The following ZNF546 variants were observed in gnomAD, a reference collection of about 807,000 sequenced individuals.
ZNF546 encodes the protein zinc finger protein 546.
A neutral mutation model predicts 76.2 loss-of-function variants in ZNF546; 60 were observed. That is an observed-to-expected ratio of 0.79 (90% CI 0.64 to 0.98). The LOEUF (loss-of-function observed/expected upper bound fraction) is 0.98, where lower values mean the gene tolerates loss of function less well. Ranked by LOEUF, ZNF546 falls within the 50% of genes least tolerant of loss-of-function variation. ZNF546 has a pLI of 0.00. For synonymous variants in ZNF546, 277 were observed against 328.1 expected, an observed-to-expected ratio of 0.84 and a Z score of 1.68; for missense variants, 936 against 1,035.6, an observed-to-expected ratio of 0.90 and a Z score of 1.32.
intron 3 of ZNF546, among the ~76,000 whole-genome samples, chr19:40,000,988 T>G (rs424365): frequency 0.29 from 44,741 of 151,780 alleles, 10,971 homozygotes; most frequent in African/African-American, 0.67. Context: ...GGTCTCATCT[T>G]GGGGTGATGG....
chr19:40,004,345 G>A (rs1010766890), intron 3 of ZNF546, among the ~76,000 whole-genome samples: 1 of 151,810 alleles, frequency 6.6e-6, no homozygotes, highest in Admixed American at 6.6e-5. Flanking sequence ...TCGGCTCACT[G>A]CAACCTCCAC....
intron 3 of ZNF546, 114 bp from the exon 4 acceptor site, chr19:40,005,982 C>T: frequency 1.1e-6 from 1 of 913,682 alleles, no homozygotes. Context: ...TTTATATGCG[C>T]AGAATGGTGG....
At position 40,020,463 on chromosome 19, in the gene ZNF546, G is replaced by T. The variant is rs1971840574; in HGVS notation, c.*4682G>T. The T allele has an allele frequency of 6.6e-6, 1 of 152,260 alleles. No individual in the cohort carries two copies. Among genetic ancestry groups the T allele is most frequent in the African/African-American group, 2.4e-5 (1 of 41,562 alleles). The allele number at this position is 152,260 out of a possible 1,614,324, so 9.4% of individuals were successfully genotyped here. On this transcript the variant is annotated 3_prime_UTR_variant, in exon 7 of 7. Transcript: ENST00000347077. Reference sequence around the variant, plus strand: ...AATATTGTTAATGTATCAGTGGATTGTTCCTCCAAAGTACCAGTGCCTTAA... The same window carrying T: ...AATATTGTTAATGTATCAGTGGATTTTTCCTCCAAAGTACCAGTGCCTTAA...
rs1267584517 is a variant in ZNF546, at chr19:40,006,089, C to T, written c.85-7C>T. 16 of 1,613,326 alleles carry T rather than the reference C, an allele frequency of 9.9e-6. No individual in the cohort carries two copies. Among genetic ancestry groups the T allele is most frequent in the Non-Finnish European group, 1.4e-5 (16 of 1,179,634 alleles). ...CTGGTCTCAGAGTCACTTGTTCTTC[C>T]CCCCAGCCCCGGTTTCTCTGGATTC... is the stretch of plus-strand genomic sequence containing the variant. On this transcript the variant is annotated splice_polypyrimidine_tract_variant and splice_region_variant and intron_variant, in intron 3 of 6. Coordinates refer to ENST00000347077, the MANE Select transcript of ZNF546 (RefSeq NM_178544.5).
At position 40,013,801 on chromosome 19, in the gene ZNF546, G is replaced by A; in HGVS notation, c.531G>A (p.Gln177=). The A allele has an allele frequency of 6.2e-7, 1 of 1,613,906 alleles. No individual in the cohort carries two copies. ...HEDTIFRNGL[Q]CKHEFERQER... Reference sequence around the variant, plus strand: ...ACACCATTTTCAGAAATGGTTTGCAGTGTAAACATGAATTTGAGAGACAAG... The same window carrying A: ...ACACCATTTTCAGAAATGGTTTGCAATGTAAACATGAATTTGAGAGACAAG... Residue 177 remains glutamine, a synonymous_variant, in exon 7 of 7, where the codon CAG becomes CAA. Transcript: ENST00000347077.
chr19:40,015,710 T>C lies in ZNF546; in HGVS notation c.2440T>C (p.Phe814Leu). 1 of 1,614,134 alleles carries C rather than the reference T, an allele frequency of 6.2e-7. No individual in the cohort carries two copies. Among genetic ancestry groups the C allele is most frequent in the Non-Finnish European group, 8.5e-7 (1 of 1,179,980 alleles). The change falls in exon 7 of 7, where the codon TTT becomes CTT. Residue 814 changes from phenylalanine to leucine, a missense_variant. Coordinates refer to ENST00000347077, the MANE Select transcript of ZNF546 (RefSeq NM_178544.5). ...TCAATGTAAAGAATGTGGAAAAGCC[T>C]TTATTCGTAGTGATCAACTTACTTT... is the stretch of plus-strand genomic sequence containing the variant. ...PYQCKECGKA[F>L]IRSDQLTLHQ... is the part of the protein sequence containing the mutation.
chr19:39,998,372 A>G lies in ZNF546; in HGVS notation c.46A>G (p.Ile16Val), dbSNP rs761454893. The G allele has an allele frequency of 5.0e-6, 8 of 1,614,082 alleles. No homozygotes were observed. In the South Asian group the frequency reaches 7.7e-5, roughly 16 times the overall value. The change falls in exon 3 of 7, where the codon ATT becomes GTT. Residue 16 changes from isoleucine to valine, a missense_variant. Transcript: ENST00000347077. ...TCACGGGCCTCCAAATGACTTTCTCATTTTTCAAATCATTCCTCTGCACTC... is the reference window on the plus strand; with the variant it reads ...TCACGGGCCTCCAAATGACTTTCTCGTTTTTCAAATCATTCCTCTGCACTC... ...PLHGPPNDFL[I>V]FQIIPLHSLS...
At chr19:40,013,222 C>T (rs538916539) in intron 6 of ZNF546, among the ~76,000 whole-genome samples, 1 of 152,264 alleles carries the variant, frequency 6.6e-6, no homozygotes, top group South Asian at 2.1e-4. Context: ...AAACTATAGC[C>T]CATGAGCCAA....
Position 40,015,462 on chromosome 19 carries a change from G to A in ZNF546, c.2192G>A (p.Ser731Asn). Residue 731 changes from serine to asparagine, a missense_variant, in exon 7 of 7, where the codon AGT (serine) becomes AAT (asparagine). Transcript: ENST00000347077. ...YECKECGKTF[S>N]RRYHLTQHFR... ...TGTAAGGAATGTGGAAAGACCTTTA[G>A]TCGTCGGTATCATCTTACTCAACAT... 6.2e-7 allele frequency: 1 copy of A among 1,614,110 alleles called. No individual in the cohort carries two copies.
Position 40,014,587 on chromosome 19 carries a change from A to G in ZNF546, c.1317A>G (p.Lys439=). 6.2e-7 allele frequency: 1 copy of G among 1,613,564 alleles called. No individual in the cohort carries two copies. The highest frequency in any genetic ancestry group is 8.5e-7 in the Non-Finnish European group (1 of 1,179,726). ...ARHRRIHTGE[K]PYECRECGKA... ...ATCGTAGAATTCATACTGGTGAGAA[A>G]CCCTATGAATGTAGAGAATGTGGAA... The change falls in exon 7 of 7, where the codon AAA becomes AAG. Residue 439 remains lysine (K), a synonymous_variant. Coordinates refer to ENST00000347077, the MANE Select transcript of ZNF546 (RefSeq NM_178544.5).
intron 6 of ZNF546, 107 bp downstream of exon 6, chr19:40,008,672 T>C: frequency 2.7e-6 from 2 of 728,982 alleles, no homozygotes; most frequent in Non-Finnish European, 4.5e-6. Flanking sequence ...TTCAAAGGCC[T>C]GAGGCCTGTG....
Position 40,015,251 on chromosome 19 carries a change from G to A in ZNF546, c.1981G>A (p.Gly661Ser), listed in dbSNP as rs1372267715. 5 of 1,613,432 alleles carry A rather than the reference G, an allele frequency of 3.1e-6. No homozygotes were observed. The change falls in exon 7 of 7, where the codon GGT becomes AGT. Residue 661 changes from glycine (G) to serine (S), a missense_variant. Coordinates refer to ENST00000347077, the MANE Select transcript of ZNF546 (RefSeq NM_178544.5). ...HLTQHHRIHT[G>S]EKPYECTECG... The stretch of plus-strand genomic sequence containing the variant: ...CACGCAACATCACAGAATTCATACT[G>A]GTGAGAAACCCTACGAATGTACGGA...
chr19:40,014,976 TTTCACACCAGCGAA>T lies in ZNF546; in HGVS notation c.1717_1730del (p.Arg573Ter). The T allele has an allele frequency of 6.2e-7, 1 of 1,613,164 alleles. No individual in the cohort carries two copies. The highest frequency in any genetic ancestry group is 8.5e-7 in the Non-Finnish European group (1 of 1,179,762). On this transcript the variant is annotated frameshift_variant, in exon 7 of 7. Transcript: ENST00000347077. LOFTEE classifies it high-confidence loss of function. ...GCTTTTATTCATAGCAATCAATTTA[TTTCACACCAGCGAA>T]TTCACACCAGTGAGAGCACCTACAT...
chr19:40,008,392 A>G, intron 5 of ZNF546, 78 bp from the exon 6 acceptor site: 1 of 1,101,200 alleles, frequency 9.1e-7, no homozygotes, highest in Non-Finnish European at 1.3e-6. Flanking sequence ...AATGTAACCA[A>G]GTCTGAATTG....
Position 40,016,778 on chromosome 19 carries a change from T to A in ZNF546, c.*997T>A, listed in dbSNP as rs1404791565. 2.0e-5 allele frequency: 3 copies of A among 152,134 alleles called. No homozygotes were observed. Among genetic ancestry groups the A allele is most frequent in the Non-Finnish European group, 4.4e-5 (3 of 68,038 alleles). 9.4% of individuals were successfully genotyped at this position (152,134 alleles called of 1,614,324 possible). A position where few individuals can be genotyped will look rare whatever the true frequency, so the allele number is the denominator to read the frequency against. On this transcript the variant is annotated 3_prime_UTR_variant, in exon 7 of 7. Transcript: ENST00000347077. ...AATGATTCTGTTAATGTAATGAACA[T>A]GGGAAAGACCAGCCTTGGCCTATCT...
intron 3 of ZNF546, among the ~76,000 whole-genome samples, chr19:40,004,827 A>AT (rs1971582952): frequency 1.3e-5 from 2 of 151,644 alleles, no homozygotes; most frequent in South Asian, 4.1e-4. Context: ...TCCTTTAAAT[A>AT]TTTTCTCCAA....
chr19:40,006,406 T>C (rs1286431160), intron 4 of ZNF546, among the ~76,000 whole-genome samples: 1 of 152,158 alleles, frequency 6.6e-6, no homozygotes, highest in African/African-American at 2.4e-5. Context: ...CATGTCAGCC[T>C]CAGAGGCAGA....
rs995131401 is a variant in ZNF546 at position 40,017,533 on chromosome 19, T to G, written c.*1752T>G. 1 of 152,244 alleles carries G rather than the reference T, an allele frequency of 6.6e-6. No individual in the cohort carries two copies. Among genetic ancestry groups the G allele is most frequent in the African/African-American group, 2.4e-5 (1 of 41,474 alleles). The allele number at this position is 152,244 out of a possible 1,614,324, so 9.4% of individuals were successfully genotyped here. ...ACATCTAAGAATAAAGGCTGCCTCCTACTTAATTGCTATATAACAATTGTC... is the reference window on the plus strand; with the variant it reads ...ACATCTAAGAATAAAGGCTGCCTCCGACTTAATTGCTATATAACAATTGTC... On this transcript the variant is annotated 3_prime_UTR_variant, in exon 7 of 7. Transcript: ENST00000347077.
At position 40,013,995 on chromosome 19, in the gene ZNF546, A is replaced by G; in HGVS notation, c.725A>G (p.Glu242Gly). Residue 242 changes from glutamate (E) to glycine (G), a missense_variant, in exon 7 of 7, where the codon GAG becomes GGG. By Grantham distance (98) the Glu-to-Gly change is moderately conservative (BLOSUM62 -2). Transcript: ENST00000347077. ...LIQHLRIHTG[E>G]RPYKCMECGK... ...CAACATCTGAGAATTCACACTGGTG[A>G]GAGACCCTATAAATGTATGGAATGT... 6.2e-7 allele frequency: 1 copy of G among 1,613,146 alleles called. No individual in the cohort carries two copies. The highest frequency in any genetic ancestry group is 8.5e-7 in the Non-Finnish European group (1 of 1,179,386).
Sources: allele counts gnomAD v4.1 joint callset (sites outside exome capture counted in the v4.1 genomes callset), GRCh38; gene constraint gnomAD v4.1.1; transcripts MANE v1.5; gene names NCBI Gene and HGNC (gene_info 2026-07-23, HGNC 2026-07-21).